FLII: variants seen among roughly 807,000 people sequenced by gnomAD.
FLII encodes FLII actin remodeling protein.
FLII carries 101 observed loss-of-function variants against 156.2 expected under a neutral mutation model. That is an observed-to-expected ratio of 0.65 (90% CI 0.55 to 0.76). FLII has a LOEUF of 0.76. FLII is among the 30% of genes least tolerant of loss of function. FLII has a pLI of 0.00. For synonymous variants in FLII, 767 were observed against 685.8 expected (o/e 1.12, Z -1.85); for missense variants, 1,675 against 1,682.8 (o/e 1.00, Z 0.08).
chr17:18,248,833 G>A lies in FLII; in HGVS notation c.1985C>T (p.Ala662Val), dbSNP rs779634444. ...RGLDIYVWRGAQATLSSTTKA... is the reference protein window; with the variant it reads ...RGLDIYVWRGVQATLSSTTKA... ...GGTGGTGCTGCTCAGTGTGGCCTGG[G>A]CCCCCCGCCATACGTAGATGTCTAG... The change falls in exon 17 of 30, where the codon GCC becomes GTC. Residue 662 changes from alanine (A) to valine (V), a missense_variant. This residue lies in a region of FLII where 1,332 missense variants were observed against 1,269.3 expected (regional missense o/e 1.05). Transcript: ENST00000327031. 1.9e-6 allele frequency: 3 copies of A among 1,612,072 alleles called. No individual in the cohort carries two copies. The highest frequency in any genetic ancestry group is 1.7e-5 in the Admixed American group (1 of 59,988).
rs1250674339 is a variant in FLII at position 18,246,239 on chromosome 17, G to T, written c.3207-17C>A. On this transcript the variant is annotated splice_polypyrimidine_tract_variant and intron_variant, in intron 24 of 29. Transcript: ENST00000327031. ...TGGATGCACCTGTGGAAGGGATGGG[G>T]CATCAGCAAGGATTCAGGCCTGGCT... 1 of 1,613,924 alleles carries T rather than the reference G, an allele frequency of 6.2e-7. No individual in the cohort carries two copies. Among genetic ancestry groups the T allele is most frequent in the Non-Finnish European group, 8.5e-7 (1 of 1,180,008 alleles).
At chr17:18,255,434 C>T (rs1375293725) in intron 3 of FLII, among the ~76,000 whole-genome samples, 171 bp from the exon 4 acceptor site, 1 of 152,162 alleles carries the variant, frequency 6.6e-6, no homozygotes, top group Admixed American at 6.5e-5. Context: ...TTCCTAGCCT[C>T]CCAGTGAGCT....
rs2048499528 is a variant in FLII at position 18,258,569 on chromosome 17, C to G, written c.63+59G>C. The G allele has an allele frequency of 2.0e-6, 3 of 1,523,740 alleles. No individual in the cohort carries two copies. In the African/African-American group the frequency reaches 4.2e-5, roughly 22 times the overall value. The allele number at this position is 1,523,740 out of a possible 1,614,324, so 94.4% of individuals were successfully genotyped here. A position where few individuals can be genotyped will look rare whatever the true frequency, so the allele number is the denominator to read the frequency against. ...AGCGGGACAGGAAGCGGAGGCCAAG[C>G]GGGCCGGGCGGAAGAGAAGGCCTGC... is the stretch of plus-strand genomic sequence containing the variant. On this transcript the variant is annotated intron_variant, in intron 1 of 29. Transcript: ENST00000327031. This position sits in a 1 kb window ranked among gnomAD's most constrained non-coding sequence, Gnocchi z 4.2.
intron 7 of FLII, 76 bp downstream of exon 7, chr17:18,253,996 GCAGGGTT>G (rs1486912877): frequency 9.4e-7 from 1 of 1,062,658 alleles, no homozygotes; most frequent in African/African-American, 1.6e-5. Context: ...GGTCCGAAGA[GCAGGGTT>G]CAACCCCTTC....
intron 4 of FLII, 33 bp downstream of exon 4, chr17:18,255,150 G>T: frequency 4.6e-6 from 7 of 1,528,452 alleles, no homozygotes; most frequent in Non-Finnish European, 6.4e-6. Context: ...GGTCCGGCTA[G>T]CACAGGGGCC....
Position 18,247,289 on chromosome 17 carries a change from G to A in FLII, c.2556C>T (p.Ala852=), listed in dbSNP as rs1323010922. 6.2e-6 allele frequency: 10 copies of A among 1,612,560 alleles called. No individual in the cohort carries two copies. Among genetic ancestry groups the A allele is most frequent in the South Asian group, 3.3e-5 (3 of 91,034 alleles). ...LTVDYTRNAE[A]VLQSPGLSGK... is the part of the protein sequence containing the mutation. ...CGGAGAGACCCGGGCTCTGCAGCACGGCCTCCGCATTGCGTGTGTAGTCCA... is the reference window on the plus strand; with the variant it reads ...CGGAGAGACCCGGGCTCTGCAGCACAGCCTCCGCATTGCGTGTGTAGTCCA... The change falls in exon 21 of 30, where the codon GCC becomes GCT. Residue 852 remains alanine (A), a synonymous_variant. Coordinates refer to ENST00000327031, the MANE Select transcript of FLII (RefSeq NM_002018.4).
At position 18,250,900 on chromosome 17, in the gene FLII, G is replaced by A; in HGVS notation, c.1714C>T (p.Leu572=). The change falls in exon 14 of 30, where the codon CTG becomes TTG. Residue 572 remains leucine, a synonymous_variant. Coordinates refer to ENST00000327031, the MANE Select transcript of FLII (RefSeq NM_002018.4). The stretch of plus-strand genomic sequence containing the variant: ...CGGACAGTGCGGCACTCAGCACCCA[G>A]GTAGTTGCGCAAGTTGACAGCGTGG... ...AIHAVNLRNY[L]GAECRTVREE... is the part of the protein sequence containing the mutation. 1 of 1,614,082 alleles carries A rather than the reference G, an allele frequency of 6.2e-7. No homozygotes were observed. Among genetic ancestry groups the A allele is most frequent in the Non-Finnish European group, 8.5e-7 (1 of 1,180,006 alleles).
chr17:18,247,933 C>A lies in FLII; in HGVS notation c.2291G>T (p.Arg764Leu). 6.2e-7 allele frequency: 1 copy of A among 1,614,000 alleles called. No individual in the cohort carries two copies. The highest frequency in any genetic ancestry group is 8.5e-7 in the Non-Finnish European group (1 of 1,179,856). ...RPKVELMPRMRLLQSLLDTRC... is the reference protein window; with the variant it reads ...RPKVELMPRMLLLQSLLDTRC... Reference sequence around the variant, plus strand: ...CCCTCCTCCTGCATCTCTTACCAGCCGCATTCTTGGCATCAGCTCCACCTT... The same window carrying A: ...CCCTCCTCCTGCATCTCTTACCAGCAGCATTCTTGGCATCAGCTCCACCTT... The change falls in exon 19 of 30, where the codon CGG becomes CTG. Residue 764 changes from arginine (R) to leucine (L), a missense_variant. Around this residue, in one of 2 missense-constraint regions of FLII, gnomAD observed 1,332 missense variants for 1,269.3 expected, o/e 1.05. Coordinates refer to ENST00000327031, the MANE Select transcript of FLII (RefSeq NM_002018.4).
Position 18,252,013 on chromosome 17 carries a change from G to A in FLII, c.1232C>T (p.Ala411Val). Reference sequence around the variant, plus strand: ...TCCCCACTCACCAGCTGCAGCTGCAGCCACGGTAGCAGGAGAGGCACCCGC... The same window carrying A: ...TCCCCACTCACCAGCTGCAGCTGCAACCACGGTAGCAGGAGAGGCACCCGC... ...RLAGASPATV[A>V]AAAAAGSGPK... The change falls in exon 11 of 30, where the codon GCT becomes GTT. Residue 411 changes from alanine (A) to valine (V), a missense_variant. This residue lies in a region of FLII where 1,332 missense variants were observed against 1,269.3 expected (regional missense o/e 1.05). Transcript: ENST00000327031. 1.2e-6 allele frequency: 2 copies of A among 1,613,010 alleles called. No homozygotes were observed. Among genetic ancestry groups the A allele is most frequent in the South Asian group, 1.1e-5 (1 of 91,082 alleles).
rs755340266 is a variant in FLII at position 18,251,712 on chromosome 17, C to A, written c.1351G>T (p.Asp451Tyr). ...TTTTTGTTCTTCTCCTGGGCAACAT[C>A]TGACATGCCCTTCAGCACCTGCTTG... ...QAKQVLKGMS[D>Y]VAQEKNKKQE... Residue 451 changes from aspartate to tyrosine, a missense_variant, in exon 12 of 30, where the codon GAT becomes TAT. Asp to Tyr is a radical substitution (Grantham distance 160). Transcript: ENST00000327031. 6.2e-7 allele frequency: 1 copy of A among 1,614,050 alleles called. No homozygotes were observed. Among genetic ancestry groups the A allele is most frequent in the South Asian group, 1.1e-5 (1 of 91,090 alleles).
chr17:18,256,008 G>C (rs1000669361), intron 3 of FLII, among the ~76,000 whole-genome samples: 3 of 152,254 alleles, frequency 2.0e-5, no homozygotes, highest in African/African-American at 7.2e-5. Flanking sequence ...GATGGCCCTC[G>C]TTGAGGCCTA....
intron 21 of FLII, 46 bp downstream of exon 21, chr17:18,247,123 G>GGGGGGGGGGGCC: frequency 1.6e-6 from 2 of 1,249,060 alleles, no homozygotes; most frequent in Non-Finnish European, 2.1e-6. Context: ...CCCTCGGCCT[G>GGGGGGGGGGGCC]CCCCCCACCC....
Position 18,245,196 on chromosome 17 carries a change from T to C in FLII, c.3752A>G (p.Gln1251Arg). 6.2e-7 allele frequency: 1 copy of C among 1,613,984 alleles called. No individual in the cohort carries two copies. The highest frequency in any genetic ancestry group is 1.1e-5 in the South Asian group (1 of 91,076). ...GTGGAAGCAGCGGGTAAAGGCGTGCTGCTCATTGCCCTTGCGGACCAGGCG... is the reference window on the plus strand; with the variant it reads ...GTGGAAGCAGCGGGTAAAGGCGTGCCGCTCATTGCCCTTGCGGACCAGGCG... ...RLRLVRKGNE[Q>R]HAFTRCFHAW... Residue 1251 changes from glutamine to arginine, a missense_variant, in exon 30 of 30, where the codon CAG (glutamine) becomes CGG (arginine). Gln to Arg is a conservative substitution (Grantham distance 43, BLOSUM62 1). Transcript: ENST00000327031.
intron 18 of FLII, among the ~76,000 whole-genome samples, 173 bp downstream of exon 18, chr17:18,248,377 C>T (rs2048154707): frequency 6.6e-6 from 1 of 152,186 alleles, no homozygotes; most frequent in Admixed American, 6.5e-5. Context: ...GAGGCTACTT[C>T]TCAAAAGCAG....
At position 18,250,820 on chromosome 17, in the gene FLII, AT is replaced by A; in HGVS notation, c.1776+17del. Reference sequence around the variant, plus strand: ...GGGAACCCCACTCTGCCCACCCCCAATTTTAACGGGCTGGCACCTGCAGGAA... The same window carrying A: ...GGGAACCCCACTCTGCCCACCCCCAATTTAACGGGCTGGCACCTGCAGGAA... On this transcript the variant is annotated intron_variant, in intron 14 of 29. Coordinates refer to ENST00000327031, the MANE Select transcript of FLII (RefSeq NM_002018.4). 6.3e-7 allele frequency: 1 copy of A among 1,599,642 alleles called. No homozygotes were observed. The highest frequency in any genetic ancestry group is 8.5e-7 in the Non-Finnish European group (1 of 1,169,714).
Position 18,247,943 on chromosome 17 carries a change from G to A in FLII, c.2281C>T (p.Pro761Ser), listed in dbSNP as rs990947201. Reference protein sequence around the residue: ...HKQRPKVELMPRMRLLQSLLD... With the variant: ...HKQRPKVELMSRMRLLQSLLD... ...GCATCTCTTACCAGCCGCATTCTTG[G>A]CATCAGCTCCACCTTGGGACGCTGC... Residue 761 changes from proline (P) to serine (S), a missense_variant, in exon 19 of 30, where the codon CCA becomes TCA. Coordinates refer to ENST00000327031, the MANE Select transcript of FLII (RefSeq NM_002018.4). 2 of 1,613,894 alleles carry A rather than the reference G, an allele frequency of 1.2e-6. No individual in the cohort carries two copies. Among genetic ancestry groups the A allele is most frequent in the African/African-American group, 1.3e-5 (1 of 74,936 alleles).
chr17:18,253,171 A>C, intron 9 of FLII, 130 bp downstream of exon 9: 1 of 948,794 alleles, frequency 1.1e-6, no homozygotes, highest in Non-Finnish European at 1.6e-6. Context: ...AGAAAAGAAA[A>C]GAAAAGAAAA....
At chr17:18,247,123 G>GGGCCCCC in intron 21 of FLII, 46 bp downstream of exon 21, 1 of 1,249,060 alleles carries the variant, frequency 8.0e-7, no homozygotes, top group Non-Finnish European at 1.0e-6. Context: ...CCCTCGGCCT[G>GGGCCCCC]CCCCCCACCC....
chr17:18,247,422 C>G (rs1047502130), intron 20 of FLII, 65 bp from the exon 21 acceptor site: 14 of 1,470,732 alleles, frequency 9.5e-6, no homozygotes, highest in African/African-American at 1.4e-5. Context: ...GGAAGTAGCC[C>G]GAGGCTTGAG....
Sources: gnomAD v4.1 joint callset for allele counts (sites outside exome capture counted in the v4.1 genomes callset) on GRCh38, gnomAD v4.1.1 for gene constraint, gnomAD v4.1.1 regional missense constraint, Gnocchi (gnomAD v3.1) non-coding constraint, MANE v1.5 for transcripts, NCBI Gene and HGNC (gene_info 2026-07-23, HGNC 2026-07-21) for gene names.